Variants in MALRD1 observed in about 807,000 individuals in gnomAD.
MALRD1 encodes the protein MAM and LDL receptor class A domain containing 1.
A neutral mutation model predicts 242.1 loss-of-function variants in MALRD1; 247 were observed. That is an observed-to-expected ratio of 1.02 (90% confidence interval 0.92 to 1.13). MALRD1 has a LOEUF of 1.13. Among genes scored for constraint, MALRD1 ranks in the 50% most tolerant of loss-of-function variants. The pLI is 0.00. For synonymous variants in MALRD1, 995 were observed against 866.6 expected (o/e 1.15, Z -2.60); for missense variants, 2,989 against 2,533.1 (o/e 1.18, Z -3.86).
intron 26 of MALRD1, among the ~76,000 whole-genome samples, chr10:19,387,097 G>A (rs1217248422): frequency 1.3e-5 from 2 of 152,100 alleles, no homozygotes; most frequent in Non-Finnish European, 2.9e-5. Flanking sequence ...AAATATTAGA[G>A]TGGACGGATG....
At chr10:19,733,034 A>T (rs1835359096) in intron 39 of MALRD1, among the ~76,000 whole-genome samples, 1 of 152,216 alleles carries the variant, frequency 6.6e-6, no homozygotes, top group Non-Finnish European at 1.5e-5. Context: ...TGTTTCAGAA[A>T]CAAATGACTT....
At chr10:19,586,922 C>G (rs987439108) in intron 33 of MALRD1, among the ~76,000 whole-genome samples, 1 of 152,246 alleles carries the variant, frequency 6.6e-6, no homozygotes, top group Non-Finnish European at 1.5e-5. Context: ...GGGATATAAT[C>G]TCCTGGTGCT....
chr10:19,229,789 T>C (rs1481742744), intron 18 of MALRD1, among the ~76,000 whole-genome samples: 1 of 151,996 alleles, frequency 6.6e-6, no homozygotes, highest in Non-Finnish European at 1.5e-5. Context: ...CTATATCTGC[T>C]GTTCCCAGAG....
Position 19,204,295 on chromosome 10 carries a change from T to TTA in MALRD1, c.2105-12_2105-11insAT. The stretch of plus-strand genomic sequence containing the variant: ...GTTAATGAAGCGTTTTTTTTTTTTT[T>TTA]TTATCTCAACAGGGCATTTTATGTT... On this transcript the variant is annotated splice_polypyrimidine_tract_variant and intron_variant, in intron 15 of 39. Coordinates refer to ENST00000454679, the MANE Select transcript of MALRD1 (RefSeq NM_001142308.3). 1.3e-6 allele frequency: 2 copies of TTA among 1,495,526 alleles called. No individual in the cohort carries two copies. The highest frequency in any genetic ancestry group is 2.5e-5 in the Admixed American group (1 of 39,698). 92.6% of individuals were successfully genotyped at this position (1,495,526 alleles called of 1,614,324 possible).
At position 19,564,458 on chromosome 10, in the gene MALRD1, T is replaced by C. The variant is rs577953494; in HGVS notation, c.5479-3044T>C. Among the ~76,000 whole-genome samples, 19 of 152,200 alleles carry C rather than the reference T, an allele frequency of 1.2e-4. No homozygotes were observed. In the South Asian group the frequency reaches 1.9e-3, roughly 15 times the overall value. ...ATAACCTTGATGATAACATAAACTC[T>C]ACTATAATTTAATATTTTTGTATAT... is the stretch of plus-strand genomic sequence containing the variant. On this transcript the variant is annotated intron_variant, in intron 32 of 39. Coordinates refer to ENST00000454679, the MANE Select transcript of MALRD1 (RefSeq NM_001142308.3).
chr10:19,220,520 T>C (rs1371816512), intron 18 of MALRD1, among the ~76,000 whole-genome samples: 1 of 152,224 alleles, frequency 6.6e-6, no homozygotes, highest in Non-Finnish European at 1.5e-5. Context: ...GCCGCCTTTA[T>C]TGTTGGTTCA....
At chr10:19,207,237 T>G (rs1836824724) in intron 17 of MALRD1, among the ~76,000 whole-genome samples, 1 of 152,234 alleles carries the variant, frequency 6.6e-6, no homozygotes, top group South Asian at 2.1e-4. Flanking sequence ...TTGTTAATTC[T>G]AAAATCTGTC....
chr10:19,063,360 T>C (rs1475372973), intron 1 of MALRD1, among the ~76,000 whole-genome samples: 1 of 152,184 alleles, frequency 6.6e-6, no homozygotes, highest in African/African-American at 2.4e-5. Flanking sequence ...TACATTGTGT[T>C]CTGTCTTCTA....
chr10:19,661,933 A>G (rs1160972077), intron 36 of MALRD1, among the ~76,000 whole-genome samples: 1 of 152,154 alleles, frequency 6.6e-6, no homozygotes, highest in Non-Finnish European at 1.5e-5. Context: ...CATGGCTAAC[A>G]CCTAGATGAA....
At chr10:19,233,171 C>T (rs1005498471) in intron 18 of MALRD1, among the ~76,000 whole-genome samples, 2 of 152,042 alleles carry the variant, frequency 1.3e-5, no homozygotes, top group Non-Finnish European at 2.9e-5. Flanking sequence ...GAGGAATGGG[C>T]TTTCCATCCC....
At chr10:19,289,292 A>G (rs987500493) in intron 21 of MALRD1, among the ~76,000 whole-genome samples, 2 of 152,052 alleles carry the variant, frequency 1.3e-5, no homozygotes, top group Non-Finnish European at 2.9e-5. Context: ...TCACCCTACC[A>G]CTTTCAATAG....
chr10:19,195,231 T>A (rs930127606), intron 14 of MALRD1, among the ~76,000 whole-genome samples: 5 of 152,204 alleles, frequency 3.3e-5, no homozygotes, highest in African/African-American at 1.2e-4. Context: ...CTAAAAGCAA[T>A]ATTTGCAGGT....
chr10:19,305,294 G>A (rs1414416619), intron 21 of MALRD1, among the ~76,000 whole-genome samples: 1 of 151,544 alleles, frequency 6.6e-6, no homozygotes, highest in Non-Finnish European at 1.5e-5. Flanking sequence ...TACTTTTGTT[G>A]TAATAGAAAA....
At chr10:19,241,378 G>A (rs1588762693) in intron 18 of MALRD1, among the ~76,000 whole-genome samples, 1 of 151,906 alleles carries the variant, frequency 6.6e-6, no homozygotes, top group South Asian at 2.1e-4. Flanking sequence ...TACGAGTAAT[G>A]TCTTACAATC....
At chr10:19,261,812 G>A (rs1470286306) in intron 19 of MALRD1, among the ~76,000 whole-genome samples, 5 of 121,002 alleles carry the variant, frequency 4.1e-5, no homozygotes, top group Non-Finnish European at 7.6e-5. Context: ...TTTAATGAAA[G>A]CAGTGTTCTC....
intron 33 of MALRD1, among the ~76,000 whole-genome samples, chr10:19,578,757 G>C (rs10740924): frequency 0.51 from 76,532 of 150,948 alleles, 19,489 homozygotes; most frequent in Non-Finnish European, 0.53. Context: ...AGTCCAAGAA[G>C]CAAAATATCA....
intron 29 of MALRD1, among the ~76,000 whole-genome samples, chr10:19,463,449 G>T (rs1836048252): frequency 6.6e-6 from 1 of 151,882 alleles, no homozygotes; most frequent in African/African-American, 2.4e-5. Flanking sequence ...TAGGATGTTT[G>T]GTTTCCATTC....
intron 33 of MALRD1, among the ~76,000 whole-genome samples, chr10:19,573,082 G>A (rs1836641756): frequency 6.6e-6 from 1 of 151,814 alleles, no homozygotes. Context: ...ATTACACACT[G>A]CTTCCTGATT....
intron 25 of MALRD1, among the ~76,000 whole-genome samples, chr10:19,351,601 A>T (rs1166698583): frequency 6.6e-6 from 1 of 152,214 alleles, no homozygotes; most frequent in African/African-American, 2.4e-5. Context: ...TCATGAGATT[A>T]AAAATAATCT....
Sources: gnomAD v4.1 joint callset for allele counts (sites outside exome capture counted in the v4.1 genomes callset) on GRCh38, gnomAD v4.1.1 for gene constraint, MANE v1.5 for transcripts, NCBI Gene and HGNC (gene_info 2026-07-23, HGNC 2026-07-21) for gene names.